EIF2AK2: variants seen among roughly 807,000 people sequenced by gnomAD.
EIF2AK2 encodes the protein interferon-induced, double-stranded RNA-activated protein kinase.
In EIF2AK2, 40 loss-of-function variants were observed where a neutral mutation model predicts 70.5. The ratio of observed to expected loss-of-function variants is 0.57; its 90% CI spans 0.44 to 0.74. The LOEUF is 0.74. Among genes scored for constraint, EIF2AK2 ranks in the 30% least tolerant of loss-of-function variants. The probability of loss-of-function intolerance (pLI) is 0.00; values close to 1 mark genes in which losing one functional copy is unlikely to be tolerated. For missense variants in EIF2AK2, 555 were observed against 644.3 expected, an observed-to-expected ratio of 0.86 and a Z score of 1.50; for synonymous variants, 198 against 220.9, an observed-to-expected ratio of 0.90 and a Z score of 0.92.
At chr2:37,113,856 GA>G (rs555612392) in intron 14 of EIF2AK2, among the ~76,000 whole-genome samples, 191 of 152,236 alleles carry the variant, frequency 1.3e-3, no homozygotes, top group African/African-American at 4.3e-3. Context: ...ATTTTGACGG[GA>G]CAGTATTATT....
intron 9 of EIF2AK2, among the ~76,000 whole-genome samples, chr2:37,136,297 C>G (rs916869023): frequency 6.6e-6 from 1 of 152,240 alleles, no homozygotes; most frequent in Non-Finnish European, 1.5e-5. Flanking sequence ...AATCCTTTCT[C>G]CTTTACCTCT....
Position 37,106,339 on chromosome 2 carries a change from T to C in EIF2AK2, c.*934A>G, listed in dbSNP as rs544868224. 6.6e-6 allele frequency: 1 copy of C among 152,372 alleles called. No individual in the cohort carries two copies. The highest frequency in any genetic ancestry group is 1.5e-5 in the Non-Finnish European group (1 of 68,042). 9.4% of individuals were successfully genotyped at this position (152,372 alleles called of 1,614,324 possible). On this transcript the variant is annotated 3_prime_UTR_variant, in exon 17 of 17. Coordinates refer to ENST00000233057, the MANE Select transcript of EIF2AK2 (RefSeq NM_001135651.3). Reference sequence around the variant, plus strand: ...GTTATTACATTTAGCTGTACTTCAATTGTTTTCAATACTATATAGTACTCC... The same window carrying C: ...GTTATTACATTTAGCTGTACTTCAACTGTTTTCAATACTATATAGTACTCC...
At chr2:37,150,401 T>A (rs1675701637) in intron 1 of EIF2AK2, among the ~76,000 whole-genome samples, 1 of 152,156 alleles carries the variant, frequency 6.6e-6, no homozygotes, top group African/African-American at 2.4e-5. Flanking sequence ...ATGTTTTAAA[T>A]TACAGTGTAC....
chr2:37,145,141 G>GT (rs57402760), intron 4 of EIF2AK2, among the ~76,000 whole-genome samples: 6,048 of 129,028 alleles, frequency 0.047, 472 homozygotes, highest in African/African-American at 0.13. Context: ...GGTTTTGTGG[G>GT]TTTTTTTTTT....
At chr2:37,146,623 T>TG (rs1675548461) in intron 4 of EIF2AK2, among the ~76,000 whole-genome samples, 1 of 152,254 alleles carries the variant, frequency 6.6e-6, no homozygotes, top group African/African-American at 2.4e-5. Flanking sequence ...AGTATTTAAC[T>TG]GCTGCTGACA....
intron 13 of EIF2AK2, among the ~76,000 whole-genome samples, chr2:37,116,973 A>G (rs1674364833): frequency 6.6e-6 from 1 of 152,216 alleles, no homozygotes; most frequent in African/African-American, 2.4e-5. Flanking sequence ...GCACTTTGGG[A>G]GGCTGAAGCG....
chr2:37,147,918 C>A (rs932140290), intron 2 of EIF2AK2, 96 bp from the exon 3 acceptor site: 3 of 748,134 alleles, frequency 4.0e-6, no homozygotes, highest in Non-Finnish European at 6.7e-6. Flanking sequence ...GTTGGGGAGA[C>A]TCCCCTTTAT....
At chr2:37,117,780 G>A (rs1267226810) in intron 13 of EIF2AK2, among the ~76,000 whole-genome samples, 2 of 152,064 alleles carry the variant, frequency 1.3e-5, no homozygotes, top group African/African-American at 2.4e-5. Flanking sequence ...CCTTCCCAGC[G>A]CCTTTGGTCT....
At chr2:37,152,493 C>A (rs942859757) in intron 1 of EIF2AK2, among the ~76,000 whole-genome samples, 12 of 152,088 alleles carry the variant, frequency 7.9e-5, no homozygotes, top group African/African-American at 2.4e-4. Flanking sequence ...GTTGGCCAGG[C>A]TGGTCTCCAA....
intron 13 of EIF2AK2, among the ~76,000 whole-genome samples, chr2:37,118,944 A>G (rs1050851542): frequency 6.6e-6 from 1 of 152,202 alleles, no homozygotes; most frequent in Non-Finnish European, 1.5e-5. Flanking sequence ...TAGAACAGAA[A>G]AAGGCAGTTC....
In EIF2AK2 at chr2:37,119,989, A is replaced by G. The variant is rs754744210; in HGVS notation, c.1218T>C (p.His406=). 1.4e-6 allele frequency: 2 copies of G among 1,474,084 alleles called. No individual in the cohort carries two copies. Among genetic ancestry groups the G allele is most frequent in the South Asian group, 1.5e-5 (1 of 64,662 alleles). 91.3% of individuals were successfully genotyped at this position (1,474,084 alleles called of 1,614,324 possible). A position where few individuals can be genotyped will look rare whatever the true frequency, so the allele number is the denominator to read the frequency against. The change falls in exon 13 of 17, where the codon CAT becomes CAC. Residue 406 remains histidine (H), a synonymous_variant. Coordinates refer to ENST00000233057, the MANE Select transcript of EIF2AK2 (RefSeq NM_001135651.3). The stretch of plus-strand genomic sequence containing the variant: ...GATCTCTATGAATTAATTTTTTTGA[A>G]TGTATATAATCCACCCCTTTTGTTA... ...EQITKGVDYI[H]SKKLIHRDLK...
At chr2:37,147,184 G>A (rs1675575478) in intron 3 of EIF2AK2, among the ~76,000 whole-genome samples, 1 of 152,160 alleles carries the variant, frequency 6.6e-6, no homozygotes, top group Admixed American at 6.5e-5. Flanking sequence ...GGAGTCAACT[G>A]TGGCTCCACC....
rs1558402135 is a variant in EIF2AK2, at chr2:37,101,949, T to A, written c.*5324A>T. On this transcript the variant is annotated 3_prime_UTR_variant, in exon 17 of 17. Transcript: ENST00000233057. ...AGTGCAATGATGTAACACCTGAGAT[T>A]TACTTTAAAATATTCCAGTAGGGCC... 1 of 152,166 alleles carries A rather than the reference T, an allele frequency of 6.6e-6. No individual in the cohort carries two copies. The highest frequency in any genetic ancestry group is 1.5e-5 in the Non-Finnish European group (1 of 68,030). The allele number at this position is 152,166 out of a possible 1,614,324, so 9.4% of individuals were successfully genotyped here.
At position 37,142,640 on chromosome 2, in the gene EIF2AK2, C is replaced by T. The variant is rs1409120171; in HGVS notation, c.241-939G>A. 2.0e-5 allele frequency among the ~76,000 whole-genome samples: 3 copies of T among 151,352 alleles called. No individual in the cohort carries two copies. The East Asian group carries it at 5.8e-4, about 29-fold the overall frequency. On this transcript the variant is annotated intron_variant, in intron 4 of 16. Transcript: ENST00000233057. ...TTAATAATTATACTTTGCACTTTTGCTTGAGTTAAAAAAAAATTGGTTAGA... is the reference window on the plus strand; with the variant it reads ...TTAATAATTATACTTTGCACTTTTGTTTGAGTTAAAAAAAAATTGGTTAGA...
rs1055842410 is a variant in EIF2AK2, at chr2:37,106,875, C to A, written c.*398G>T. 1 of 157,624 alleles carries A rather than the reference C, an allele frequency of 6.3e-6. No homozygotes were observed. The highest frequency in any genetic ancestry group is 2.4e-5 in the African/African-American group (1 of 41,332). 9.8% of individuals were successfully genotyped at this position (157,624 alleles called of 1,614,324 possible). On this transcript the variant is annotated 3_prime_UTR_variant, in exon 17 of 17. Transcript: ENST00000233057. Reference sequence around the variant, plus strand: ...CCTGGCCAACATGGTGAAACCCTGTCTTTATTAAAAACACAAAAATTAGTT... The same window carrying A: ...CCTGGCCAACATGGTGAAACCCTGTATTTATTAAAAACACAAAAATTAGTT...
intron 15 of EIF2AK2, among the ~76,000 whole-genome samples, chr2:37,108,639 G>T (rs1674042834): frequency 6.6e-6 from 1 of 152,110 alleles, no homozygotes; most frequent in South Asian, 2.1e-4. Context: ...GTGTGATCTT[G>T]GCTCACTGCA....
chr2:37,147,921 C>A, intron 2 of EIF2AK2, 99 bp from the exon 3 acceptor site: 2 of 707,704 alleles, frequency 2.8e-6, no homozygotes, highest in Non-Finnish European at 4.8e-6. Flanking sequence ...GGGGAGACTC[C>A]CCTTTATAGG....
intron 10 of EIF2AK2, among the ~76,000 whole-genome samples, chr2:37,132,553 C>T (rs931500079): frequency 2.0e-5 from 3 of 152,314 alleles, no homozygotes; most frequent in South Asian, 4.1e-4. Flanking sequence ...CGTGCCACTG[C>T]ACTCCAGCCT....
intron 5 of EIF2AK2, 77 bp from the exon 6 acceptor site, chr2:37,139,834 CAT>C: frequency 7.0e-7 from 1 of 1,418,832 alleles, no homozygotes; most frequent in Non-Finnish European, 9.6e-7. Context: ...AAAAAAATAA[CAT>C]ATTAACAGAG....
Sources: allele counts gnomAD v4.1 joint callset (sites outside exome capture counted in the v4.1 genomes callset), GRCh38; gene constraint gnomAD v4.1.1; transcripts MANE v1.5; gene names NCBI Gene and HGNC (gene_info 2026-07-23, HGNC 2026-07-21).